Variants in ATP11B observed in about 807,000 individuals in gnomAD.
The protein encoded by ATP11B is phospholipid-transporting ATPase IF.
A neutral mutation model predicts 157.8 loss-of-function variants in ATP11B; 81 were observed. The observed-to-expected ratio is 0.51, with a 90% confidence interval of 0.43 to 0.62. ATP11B has a LOEUF of 0.62. ATP11B is among the 20% of genes least tolerant of loss of function. The probability of loss-of-function intolerance (pLI) is 0.00; values close to 1 mark genes in which losing one functional copy is unlikely to be tolerated. For missense variants in ATP11B, 1,165 were observed against 1,402.2 expected (o/e 0.83, Z 2.70); for synonymous variants, 451 against 469.4 (o/e 0.96, Z 0.51).
chr3:182,871,386 A>G (rs1721645573), intron 17 of ATP11B, among the ~76,000 whole-genome samples: 1 of 152,260 alleles, frequency 6.6e-6, no homozygotes, highest in South Asian at 2.1e-4. Context: ...TTAGATTTAG[A>G]TATCAACTTT....
chr3:182,907,103 AAAAAG>A (rs1383961824), intron 28 of ATP11B, among the ~76,000 whole-genome samples: 16 of 152,190 alleles, frequency 1.1e-4, no homozygotes, highest in East Asian at 7.7e-4. Context: ...AAAAAAAAAA[AAAAAG>A]AAAGAAAGAA....
In ATP11B at chr3:182,820,372, C is replaced by T; in HGVS notation, c.140C>T (p.Ser47Phe). Residue 47 changes from serine (S) to phenylalanine (F), a missense_variant, in exon 2 of 30, where the codon TCT (serine) becomes TTT (phenylalanine). Physicochemically the swap from Ser to Phe is radical, Grantham distance 155 (BLOSUM62 -2). This residue lies in a region of ATP11B where 91 missense variants were observed against 95.8 expected (regional missense o/e 0.95). Transcript: ENST00000323116. ...QKFIDNRIIS[S>F]KYTVWNFVPK... ...TTTATAGATAACAGGATCATTTCAT[C>T]TAAGGTAAGAATTAAAATTTTTATT... is the stretch of plus-strand genomic sequence containing the variant. 2.5e-6 allele frequency: 4 copies of T among 1,593,754 alleles called. No individual in the cohort carries two copies. Among genetic ancestry groups the T allele is most frequent in the Non-Finnish European group, 3.4e-6 (4 of 1,161,484 alleles).
intron 28 of ATP11B, among the ~76,000 whole-genome samples, chr3:182,904,033 C>T (rs1432694668): frequency 6.6e-6 from 1 of 152,160 alleles, no homozygotes; most frequent in African/African-American, 2.4e-5. Flanking sequence ...GAACATTCAT[C>T]TCTGAAAGAT....
Position 182,829,676 on chromosome 3 carries a change from T to C in ATP11B, c.239T>C (p.Met80Thr). The change falls in exon 4 of 30, where the codon ATG becomes ACG. Residue 80 changes from methionine to threonine, a missense_variant. By Grantham distance (81) the Met-to-Thr change is moderately conservative (BLOSUM62 -1). Coordinates refer to ENST00000323116, the MANE Select transcript of ATP11B (RefSeq NM_014616.3). Reference sequence around the variant, plus strand: ...TATTCTTTTTTATAAATCTAGCTTATGATTGATACACCTACCAGTCCAGTT... The same window carrying C: ...TATTCTTTTTTATAAATCTAGCTTACGATTGATACACCTACCAGTCCAGTT... ...YFLIIFLVQL[M>T]IDTPTSPVTS... is the part of the protein sequence containing the mutation. 4 of 1,587,116 alleles carry C rather than the reference T, an allele frequency of 2.5e-6. No homozygotes were observed. Among genetic ancestry groups the C allele is most frequent in the Non-Finnish European group, 3.5e-6 (4 of 1,159,240 alleles).
At chr3:182,913,732 C>A in intron 28 of ATP11B, 129 bp from the exon 29 acceptor site, 4 of 1,471,354 alleles carry the variant, frequency 2.7e-6, no homozygotes, top group East Asian at 2.3e-5. Context: ...ATATGTTTCC[C>A]ATATTATAGA....
At chr3:182,906,536 C>T (rs9855745) in intron 28 of ATP11B, among the ~76,000 whole-genome samples, 5,300 of 152,176 alleles carry the variant, frequency 0.035, 316 homozygotes, top group African/African-American at 0.12. Flanking sequence ...CTCGACCTCC[C>T]GGGCTCAAGC....
intron 12 of ATP11B, among the ~76,000 whole-genome samples, chr3:182,864,578 T>C (rs2108540356): frequency 6.6e-6 from 1 of 152,260 alleles, no homozygotes; most frequent in African/African-American, 2.4e-5. Context: ...TTTTTTTAAG[T>C]GTTGAGTCAA....
chr3:182,835,986 T>C lies in ATP11B; in HGVS notation c.316-49T>C, dbSNP rs544250985. The C allele has an allele frequency of 3.4e-6, 5 of 1,461,760 alleles. No individual in the cohort carries two copies. In the South Asian group the frequency reaches 6.3e-5, roughly 18 times the overall value. 90.5% of individuals were successfully genotyped at this position (1,461,760 alleles called of 1,614,324 possible). A position where few individuals can be genotyped will look rare whatever the true frequency, so the allele number is the denominator to read the frequency against. ...TTTTTTTTCTTATTTGATAAAAGTA[T>C]CTTCAAATTATACTGAAAAATTATT... is the stretch of plus-strand genomic sequence containing the variant. On this transcript the variant is annotated intron_variant, in intron 4 of 29. Coordinates refer to ENST00000323116, the MANE Select transcript of ATP11B (RefSeq NM_014616.3).
intron 4 of ATP11B, among the ~76,000 whole-genome samples, chr3:182,831,682 C>T (rs541875312): frequency 6.6e-5 from 10 of 152,118 alleles, no homozygotes; most frequent in Non-Finnish European, 1.2e-4. Context: ...GTACTTTCTT[C>T]CTGGAAAGTT....
chr3:182,902,450 G>C (rs777000076), intron 28 of ATP11B: 1 of 1,253,136 alleles, frequency 8.0e-7, no homozygotes, highest in South Asian at 1.3e-5. Flanking sequence ...CTGACTTGTT[G>C]TGTGTCCATC....
At chr3:182,871,009 A>G (rs1015209871) in intron 17 of ATP11B, among the ~76,000 whole-genome samples, 8 of 150,526 alleles carry the variant, frequency 5.3e-5, no homozygotes, top group Admixed American at 3.3e-4. Flanking sequence ...TTATTAGGAT[A>G]TTTATTATGG....
chr3:182,840,804 C>T (rs1718950803), intron 7 of ATP11B, among the ~76,000 whole-genome samples: 1 of 152,152 alleles, frequency 6.6e-6, no homozygotes, highest in South Asian at 2.1e-4. Context: ...TTTGTCTGAG[C>T]CAGTACCATC....
At chr3:182,853,488 C>A (rs1235820843) in intron 10 of ATP11B, among the ~76,000 whole-genome samples, 1 of 151,840 alleles carries the variant, frequency 6.6e-6, no homozygotes, top group Non-Finnish European at 1.5e-5. Context: ...CCACTGTGCC[C>A]GGCCAATAAA....
intron 12 of ATP11B, among the ~76,000 whole-genome samples, chr3:182,864,842 C>A (rs1449304752): frequency 6.6e-6 from 1 of 152,054 alleles, no homozygotes; most frequent in Non-Finnish European, 1.5e-5. Context: ...TTTTAAAGTA[C>A]TTTTTCTGGA....
chr3:182,826,997 C>T (rs990168483), intron 2 of ATP11B, among the ~76,000 whole-genome samples: 3 of 152,078 alleles, frequency 2.0e-5, no homozygotes, highest in African/African-American at 7.2e-5. Context: ...AGAAAAAACC[C>T]GTTGTCAACC....
Position 182,869,242 on chromosome 3 carries a change from T to C in ATP11B, c.1777T>C (p.Phe593Leu). The change falls in exon 17 of 30, where the codon TTT (phenylalanine) becomes CTT (leucine). Residue 593 changes from phenylalanine (F) to leucine (L), a missense_variant. By Grantham distance (22) the Phe-to-Leu change is conservative (BLOSUM62 0). Coordinates refer to ENST00000323116, the MANE Select transcript of ATP11B (RefSeq NM_014616.3). ...TTTGTCTCTAGGTGAGAAGTTATTA[T>C]TTGCTAAAGGAGCTGAGTCATCAAT... ...VQAPSGEKLL[F>L]AKGAESSILP... 6.2e-7 allele frequency: 1 copy of C among 1,609,206 alleles called. No individual in the cohort carries two copies. Among genetic ancestry groups the C allele is most frequent in the South Asian group, 1.1e-5 (1 of 89,932 alleles).
intron 17 of ATP11B, among the ~76,000 whole-genome samples, chr3:182,870,872 G>A (rs1721607368): frequency 6.7e-6 from 1 of 149,922 alleles, no homozygotes; most frequent in Middle Eastern, 3.3e-3. Context: ...AGCTTGCAGT[G>A]AGCCAAGATC....
At position 182,800,785 on chromosome 3, in the gene ATP11B, A is replaced by ATTT. The variant is rs34173579; in HGVS notation, c.27+7012_27+7014dup. ...TACATGGTATTGGCAAATTCTTTTG[A>ATTT]TTTTTTTTTTTTTTTAAGACAGTCT... On this transcript the variant is annotated intron_variant, in intron 1 of 29. Coordinates refer to ENST00000323116, the MANE Select transcript of ATP11B (RefSeq NM_014616.3). 9.5e-3 allele frequency among the ~76,000 whole-genome samples: 1,279 copies of ATTT among 135,116 alleles called. 29 individuals carry two copies. The highest frequency in any genetic ancestry group is 0.034 in the African/African-American group (1,195 of 35,480). 88.6% of individuals were successfully genotyped at this position (135,116 alleles called of 152,430 possible). A position where few individuals can be genotyped will look rare whatever the true frequency, so the allele number is the denominator to read the frequency against.
chr3:182,904,044 C>T (rs1724157796), intron 28 of ATP11B, among the ~76,000 whole-genome samples: 1 of 152,262 alleles, frequency 6.6e-6, no homozygotes, highest in Middle Eastern at 3.4e-3. Flanking sequence ...TCTGAAAGAT[C>T]ACAGTGAGAA....
Sources: allele counts gnomAD v4.1 joint callset (sites outside exome capture counted in the v4.1 genomes callset), GRCh38; gene constraint gnomAD v4.1.1; regional missense constraint gnomAD v4.1.1; transcripts MANE v1.5; gene names NCBI Gene and HGNC (gene_info 2026-07-23, HGNC 2026-07-21).